The following LIPC variants were observed in gnomAD, a reference collection of about 807,000 sequenced individuals.
LIPC encodes hepatic triacylglycerol lipase.
LIPC carries 44 observed loss-of-function variants against 50.7 expected under a neutral mutation model. That is an observed-to-expected ratio of 0.87 (90% CI 0.68 to 1.11). The LOEUF (loss-of-function observed/expected upper bound fraction) is 1.11, where lower values mean the gene tolerates loss of function less well. Among genes scored for constraint, LIPC ranks in the 50% most tolerant of loss-of-function variants. LIPC has a pLI of 0.00. For synonymous variants in LIPC, 271 were observed against 256.4 expected, an observed-to-expected ratio of 1.06 and a Z score of -0.54; for missense variants, 697 against 648.2, an observed-to-expected ratio of 1.08 and a Z score of -0.82.
chr15:58,447,003 C>T (rs936163653), intron 1 of LIPC, among the ~76,000 whole-genome samples: 2 of 151,894 alleles, frequency 1.3e-5, no homozygotes, highest in Admixed American at 1.3e-4. Context: ...CAAAAGTTAG[C>T]CAGGTGTGGT....
intron 1 of LIPC, among the ~76,000 whole-genome samples, chr15:58,524,048 G>A (rs564847989): frequency 4.1e-4 from 62 of 151,938 alleles, no homozygotes; most frequent in African/African-American, 1.2e-3. Flanking sequence ...CCCATCCCAC[G>A]ATGTCCATAT....
chr15:58,436,735 A>G (rs1468402384), intron 1 of LIPC: 1 of 456,152 alleles, frequency 2.2e-6, no homozygotes, highest in African/African-American at 2.0e-5. Context: ...GTAGAGAAGC[A>G]GATTTTACTT....
At chr15:58,491,961 G>A (rs1891600874) in intron 1 of LIPC, among the ~76,000 whole-genome samples, 1 of 152,300 alleles carries the variant, frequency 6.6e-6, no homozygotes, top group Non-Finnish European at 1.5e-5. Flanking sequence ...TGGAGCAGGG[G>A]GTCCCAGCTC....
intron 1 of LIPC, among the ~76,000 whole-genome samples, chr15:58,506,783 G>A (rs1462425942): frequency 6.6e-6 from 1 of 152,142 alleles, no homozygotes; most frequent in African/African-American, 2.4e-5. Context: ...ACAGGTGTGG[G>A]GGTGTGTTAG....
At chr15:58,445,711 C>G (rs1043141018) in intron 1 of LIPC, among the ~76,000 whole-genome samples, 2 of 152,180 alleles carry the variant, frequency 1.3e-5, no homozygotes. Context: ...CTTCCCAGCA[C>G]GTGGCCTTGA....
At chr15:58,534,751 G>T (rs1282068875) in intron 1 of LIPC, among the ~76,000 whole-genome samples, 1 of 152,156 alleles carries the variant, frequency 6.6e-6, no homozygotes, top group Non-Finnish European at 1.5e-5. Flanking sequence ...AAAAAAATCT[G>T]TGGCCCATCT....
chr15:58,542,410 T>G, intron 3 of LIPC, 124 bp from the exon 4 acceptor site: 1 of 762,548 alleles, frequency 1.3e-6, no homozygotes, highest in South Asian at 1.4e-5. Flanking sequence ...GTTTGGAGTG[T>G]GAATAAGGCA....
At chr15:58,448,632 A>G (rs1403334115) in intron 1 of LIPC, among the ~76,000 whole-genome samples, 2 of 152,220 alleles carry the variant, frequency 1.3e-5, no homozygotes, top group Admixed American at 6.5e-5. Context: ...GGCCTTCACC[A>G]TATGCCAGGC....
intron 1 of LIPC, among the ~76,000 whole-genome samples, chr15:58,444,943 C>A (rs1183565976): frequency 4.6e-5 from 7 of 152,274 alleles, no homozygotes; most frequent in South Asian, 2.1e-4. Flanking sequence ...AAGGCTTCCG[C>A]GTTAGAAAAA....
intron 1 of LIPC, among the ~76,000 whole-genome samples, chr15:58,500,614 T>C (rs911123696): frequency 6.6e-6 from 1 of 152,116 alleles, no homozygotes; most frequent in Non-Finnish European, 1.5e-5. Flanking sequence ...TCCCTGACTG[T>C]TTTCATATGT....
intron 1 of LIPC, among the ~76,000 whole-genome samples, chr15:58,458,041 T>C (rs924756212): frequency 2.5e-4 from 38 of 152,208 alleles, no homozygotes; most frequent in African/African-American, 8.7e-4. Flanking sequence ...TACATTTTCA[T>C]GAGCTAGACA....
At chr15:58,454,730 A>C (rs1346897488) in intron 1 of LIPC, 4 of 152,196 alleles carry the variant, frequency 2.6e-5, no homozygotes, top group Non-Finnish European at 5.9e-5. Context: ...CCATGCCCTT[A>C]CCACGTGCAG....
intron 1 of LIPC, among the ~76,000 whole-genome samples, chr15:58,449,412 G>A (rs1401118587): frequency 6.6e-5 from 10 of 152,126 alleles, no homozygotes; most frequent in Non-Finnish European, 8.8e-5. Context: ...GAAGATTTAT[G>A]GGTCACTGTC....
chr15:58,490,003 A>G (rs1046595956), intron 1 of LIPC, among the ~76,000 whole-genome samples: 36 of 151,438 alleles, frequency 2.4e-4, no homozygotes, highest in African/African-American at 8.0e-4. Flanking sequence ...TACTGTGGGG[A>G]AAAGAAAAAA....
At chr15:58,474,258 C>A (rs1890905446) in intron 1 of LIPC, among the ~76,000 whole-genome samples, 1 of 152,184 alleles carries the variant, frequency 6.6e-6, no homozygotes, top group Non-Finnish European at 1.5e-5. Context: ...TGGCTCATGC[C>A]TGTAATCCCA....
intron 1 of LIPC, among the ~76,000 whole-genome samples, chr15:58,508,505 G>A (rs533374041): frequency 2.4e-4 from 37 of 152,258 alleles, no homozygotes; most frequent in African/African-American, 7.2e-4. Flanking sequence ...GATAAAATAC[G>A]AAACGCCTTT....
chr15:58,543,582 G>C (rs921678911), intron 4 of LIPC, among the ~76,000 whole-genome samples: 1 of 152,078 alleles, frequency 6.6e-6, no homozygotes, highest in Non-Finnish European at 1.5e-5. Flanking sequence ...CCAAAACAAA[G>C]AGCATTTTAC....
chr15:58,542,307 G>C (rs1263587122), intron 3 of LIPC, among the ~76,000 whole-genome samples: 1 of 152,196 alleles, frequency 6.6e-6, no homozygotes, highest in Non-Finnish European at 1.5e-5. Flanking sequence ...TTAGTGTCCA[G>C]GGGAAGACAG....
intron 1 of LIPC, among the ~76,000 whole-genome samples, chr15:58,489,537 C>T (rs1891508840): frequency 6.6e-6 from 1 of 151,990 alleles, no homozygotes; most frequent in Non-Finnish European, 1.5e-5. Context: ...CTCAGTTGGC[C>T]TCTGGGTGGG....
Sources: allele counts gnomAD v4.1 joint callset (sites outside exome capture counted in the v4.1 genomes callset), GRCh38; gene constraint gnomAD v4.1.1; transcripts MANE v1.5; gene names NCBI Gene and HGNC (gene_info 2026-07-23, HGNC 2026-07-21).